Variants in ANO4 observed in about 807,000 individuals in gnomAD.
ANO4 encodes anoctamin 4, also known as anoctamin-4.
Under a neutral mutation model 141.9 loss-of-function variants are expected in ANO4, and 69 were observed. That is an observed-to-expected ratio of 0.49 (90% CI 0.40 to 0.59). The LOEUF (loss-of-function observed/expected upper bound fraction) is 0.59. Ranked by LOEUF, ANO4 falls within the 20% of genes least tolerant of loss-of-function variation. ANO4 has a pLI of 0.00. For missense variants in ANO4, 894 were observed against 1,162.2 expected (o/e 0.77, Z 3.36); for synonymous variants, 350 against 394.3 (o/e 0.89, Z 1.33).
At chr12:100,738,722 T>TGCA (rs1261299081) in intron 2 of ANO4, among the ~76,000 whole-genome samples, 3 of 151,998 alleles carry the variant, frequency 2.0e-5, no homozygotes, top group African/African-American at 7.2e-5. Context: ...CAACATAATG[T>TGCA]CTTGGTATAC....
intron 8 of ANO4, among the ~76,000 whole-genome samples, chr12:100,994,400 A>G (rs2045276999): frequency 6.6e-6 from 1 of 152,204 alleles, no homozygotes; most frequent in Admixed American, 6.5e-5. Context: ...CCTTGAGGCA[A>G]TTACTTTCTA....
intron 1 of ANO4, among the ~76,000 whole-genome samples, chr12:100,812,770 A>G (rs902788254): frequency 2.0e-5 from 3 of 152,194 alleles, no homozygotes; most frequent in Non-Finnish European, 4.4e-5. Context: ...AGGAGTCCCT[A>G]TGAAGAGTAC....
chr12:101,109,804 G>A (rs2050594042), intron 22 of ANO4, among the ~76,000 whole-genome samples: 1 of 152,072 alleles, frequency 6.6e-6, no homozygotes, highest in African/African-American at 2.4e-5. Flanking sequence ...TTCCTCCTAT[G>A]TTGATTAATT....
chr12:100,731,841 G>C (rs1565843005), intron 1 of ANO4, among the ~76,000 whole-genome samples: 1 of 152,064 alleles, frequency 6.6e-6, no homozygotes, highest in Non-Finnish European at 1.5e-5. Context: ...TTTCATTTTA[G>C]TGTTGAATAA....
At chr12:101,076,621 C>T (rs762096582) in intron 14 of ANO4, among the ~76,000 whole-genome samples, 1 of 151,306 alleles carries the variant, frequency 6.6e-6, no homozygotes, top group Non-Finnish European at 1.5e-5. Context: ...GTTGGTAGGG[C>T]GTAGTGAGAG....
rs549231181 is a variant in ANO4 at position 101,068,673 on chromosome 12, C to T, written c.1313-10520C>T. ...AGCAAGAGAATGACTTCCTTATTAA[C>T]TATTAGAGTAGGATCAAAGATTCTT... On this transcript the variant is annotated intron_variant, in intron 14 of 27. Coordinates refer to ENST00000392977, the MANE Select transcript of ANO4 (RefSeq NM_001286615.2). 7.6e-6 allele frequency: 10 copies of T among 1,311,940 alleles called. No individual in the cohort carries two copies. In the East Asian group the frequency reaches 2.3e-4, roughly 30 times the overall value. 81.3% of individuals were successfully genotyped at this position (1,311,940 alleles called of 1,614,324 possible). A position where few individuals can be genotyped will look rare whatever the true frequency, so the allele number is the denominator to read the frequency against.
chr12:101,096,469 G>A (rs1721823375), intron 18 of ANO4, 67 bp from the exon 19 acceptor site: 2 of 1,256,000 alleles, frequency 1.6e-6, no homozygotes, highest in African/African-American at 1.5e-5. Context: ...GTGTGGGGAG[G>A]GAAAGAGAGG....
At chr12:100,723,345 G>C (rs1432259793) in intron 1 of ANO4, among the ~76,000 whole-genome samples, 1 of 152,104 alleles carries the variant, frequency 6.6e-6, no homozygotes, top group African/African-American at 2.4e-5. Flanking sequence ...TGGAGGTGGT[G>C]GCAGATTTAA....
intron 1 of ANO4, among the ~76,000 whole-genome samples, chr12:100,882,848 C>T (rs1235680988): frequency 2.0e-5 from 3 of 151,924 alleles, no homozygotes; most frequent in Non-Finnish European, 2.9e-5. Flanking sequence ...TATAGGCACC[C>T]GCCACTGTGC....
At position 100,882,849 on chromosome 12, in the gene ANO4, G is replaced by A. The variant is rs377150965; in HGVS notation, c.-140-18797G>A. ...TGAGTAGCTAGGATTATAGGCACCC[G>A]CCACTGTGCCTGGCTAAGTTTTGTA... On this transcript the variant is annotated intron_variant, in intron 1 of 27. Coordinates refer to ENST00000392977, the MANE Select transcript of ANO4 (RefSeq NM_001286615.2). Among the ~76,000 whole-genome samples, 68 of 151,906 alleles carry A rather than the reference G, an allele frequency of 4.5e-4. 1 individual carries two copies. The South Asian group carries it at 0.013, about 28-fold the overall frequency.
intron 8 of ANO4, among the ~76,000 whole-genome samples, chr12:100,997,738 C>T (rs186577519): frequency 5.3e-5 from 8 of 152,118 alleles, no homozygotes; most frequent in East Asian, 1.9e-4. Flanking sequence ...TTGTCAGAGA[C>T]GAAGAAAACC....
At chr12:101,106,585 A>ATG (rs2050454726) in intron 22 of ANO4, among the ~76,000 whole-genome samples, 1 of 149,272 alleles carries the variant, frequency 6.7e-6, no homozygotes, top group African/African-American at 2.5e-5. Flanking sequence ...ATATATATAT[A>ATG]TATATATATA....
At chr12:100,909,396 T>C (rs1208268943) in intron 2 of ANO4, among the ~76,000 whole-genome samples, 1 of 152,134 alleles carries the variant, frequency 6.6e-6, no homozygotes, top group Non-Finnish European at 1.5e-5. Context: ...TAGGACTCCT[T>C]GATTTCTTCT....
At chr12:101,057,348 A>G (rs534299445) in intron 14 of ANO4, among the ~76,000 whole-genome samples, 2 of 152,326 alleles carry the variant, frequency 1.3e-5, no homozygotes, top group African/African-American at 2.4e-5. Context: ...AGAATGATTT[A>G]TAATCCTTTG....
At chr12:100,884,333 T>C (rs1055002183) in intron 1 of ANO4, among the ~76,000 whole-genome samples, 2 of 152,158 alleles carry the variant, frequency 1.3e-5, no homozygotes, top group East Asian at 3.9e-4. Flanking sequence ...TAAATATCGA[T>C]TAAGGAAATT....
At chr12:100,790,117 G>A (rs2033996757), upstream of ANO4, among the ~76,000 whole-genome samples, 1 of 152,084 alleles carries the variant, frequency 6.6e-6, no homozygotes, top group African/African-American at 2.4e-5. Flanking sequence ...TAGGAAAAAA[G>A]GATTATGGCA....
At chr12:100,742,918 C>T (rs1052628302) in intron 3 of ANO4, among the ~76,000 whole-genome samples, 1 of 152,166 alleles carries the variant, frequency 6.6e-6, no homozygotes, top group African/African-American at 2.4e-5. Context: ...ACTTGTGAAA[C>T]TGCATAGTGG....
intron 4 of ANO4, among the ~76,000 whole-genome samples, chr12:100,942,009 C>A (rs1445617217): frequency 6.8e-6 from 1 of 147,652 alleles, no homozygotes; most frequent in African/African-American, 2.5e-5. Context: ...GAGATGGAGT[C>A]TCACTCTGTT....
At chr12:100,907,949 T>C (rs1486964756) in intron 2 of ANO4, among the ~76,000 whole-genome samples, 1 of 152,246 alleles carries the variant, frequency 6.6e-6, no homozygotes, top group Non-Finnish European at 1.5e-5. Flanking sequence ...TGTGTTGATA[T>C]TACTATAATA....
Sources: allele counts gnomAD v4.1 joint callset (sites outside exome capture counted in the v4.1 genomes callset), GRCh38; gene constraint gnomAD v4.1.1; transcripts MANE v1.5; gene names NCBI Gene and HGNC (gene_info 2026-07-23, HGNC 2026-07-21).